CACNA2D4: variants seen among roughly 807,000 people sequenced by gnomAD.
The protein encoded by CACNA2D4 is calcium voltage-gated channel auxiliary subunit alpha2delta 4.
A neutral mutation model predicts 163.8 loss-of-function variants in CACNA2D4; 157 were observed. That is an observed-to-expected ratio of 0.96 (90% CI 0.84 to 1.09). CACNA2D4 has a LOEUF of 1.09. Ranked by LOEUF, CACNA2D4 falls within the 50% of genes least tolerant of loss-of-function variation. CACNA2D4 has a pLI of 0.00. For missense variants in CACNA2D4, 1,410 were observed against 1,479.9 expected, an observed-to-expected ratio of 0.95 and a Z score of 0.78; for synonymous variants, 598 against 586.9, an observed-to-expected ratio of 1.02 and a Z score of -0.27.
chr12:1,914,256 T>C (rs1309070683), intron 2 of CACNA2D4, among the ~76,000 whole-genome samples: 1 of 152,156 alleles, frequency 6.6e-6, no homozygotes, highest in East Asian at 1.9e-4. Context: ...TAGAGAAGGG[T>C]GAGCTGCCAT....
At chr12:1,839,409 G>A (rs1013404290) in intron 26 of CACNA2D4, among the ~76,000 whole-genome samples, 1 of 152,238 alleles carries the variant, frequency 6.6e-6, no homozygotes, top group African/African-American at 2.4e-5. Flanking sequence ...GACTCTGCAG[G>A]CACGAAGAAA....
chr12:1,889,586 C>A (rs547559503), intron 6 of CACNA2D4, among the ~76,000 whole-genome samples: 7 of 152,186 alleles, frequency 4.6e-5, no homozygotes, highest in South Asian at 4.1e-4. Context: ...AGCCGCCCCC[C>A]CCAGTAGCTG....
chr12:1,865,073 C>T (rs1170802797), intron 18 of CACNA2D4, among the ~76,000 whole-genome samples: 1 of 152,206 alleles, frequency 6.6e-6, no homozygotes, highest in Non-Finnish European at 1.5e-5. Flanking sequence ...GGTTCAGCTG[C>T]AGTCCCGCGC....
At chr12:1,918,223 G>A (rs779533233) in intron 1 of CACNA2D4, 24 bp downstream of exon 1, 4 of 1,548,982 alleles carry the variant, frequency 2.6e-6, no homozygotes, top group Non-Finnish European at 3.5e-6. Context: ...GGGTTTTTGG[G>A]GTGGGGTTGA....
Position 1,885,953 on chromosome 12 carries a change from G to T in CACNA2D4, c.1068+12C>A. On this transcript the variant is annotated intron_variant, in intron 9 of 37. Transcript: ENST00000382722. ...AGGGGCTTGGAAGTCTCAGGCCACC[G>T]TGGACACTCACCTCTCGATTGTCTC... is the stretch of plus-strand genomic sequence containing the variant. 1 of 1,603,466 alleles carries T rather than the reference G, an allele frequency of 6.2e-7. No homozygotes were observed. The highest frequency in any genetic ancestry group is 8.5e-7 in the Non-Finnish European group (1 of 1,171,604).
intron 23 of CACNA2D4, 50 bp from the exon 24 acceptor site, chr12:1,846,739 CTTGGGGGCGACCTGCAGGGGT>C: frequency 6.8e-7 from 1 of 1,461,866 alleles, no homozygotes; most frequent in Non-Finnish European, 9.3e-7. Flanking sequence ...GTGGCAAGAG[CTTGGGGGCGACCTGCAGGGGT>C]TTGGGGGCCT....
intron 26 of CACNA2D4, among the ~76,000 whole-genome samples, chr12:1,840,006 T>A (rs1280486822): frequency 6.6e-6 from 1 of 152,204 alleles, no homozygotes; most frequent in East Asian, 1.9e-4. Flanking sequence ...TTTGTAAAGG[T>A]TAAATCAGTT....
At chr12:1,839,000 T>C (rs1240640320) in intron 26 of CACNA2D4, among the ~76,000 whole-genome samples, 2 of 152,206 alleles carry the variant, frequency 1.3e-5, no homozygotes, top group African/African-American at 4.8e-5. Flanking sequence ...ACCGGGCTTC[T>C]ACCCGGGCAA....
In CACNA2D4 at chr12:1,909,908, C is replaced by T. The variant is rs369000151; in HGVS notation, c.484G>A (p.Val162Met). The change falls in exon 4 of 38, where the codon GTG becomes ATG. Residue 162 changes from valine to methionine, a missense_variant and splice_region_variant. Coordinates refer to ENST00000382722, the MANE Select transcript of CACNA2D4 (RefSeq NM_172364.5). ...DLNHEFNESL[V>M]FDYYNSVLIN... ...CCAGTGCCAGGAGTGGGACTCACCA[C>T]CAGGGATTCATTGAATTCGTGGTTC... The T allele has an allele frequency of 2.5e-6, 4 of 1,613,432 alleles. No homozygotes were observed. Among genetic ancestry groups the T allele is most frequent in the African/African-American group, 1.3e-5 (1 of 74,910 alleles).
In CACNA2D4 at chr12:1,793,474, G is replaced by T. The variant is rs1863031258; in HGVS notation, c.*181C>A. On this transcript the variant is annotated 3_prime_UTR_variant, in exon 38 of 38. Transcript: ENST00000382722. ...TGAAGCATCTTGAAAGTGGTGCCAG[G>T]TGATTGGTTTCCTGTTCCATCCAGC... 1.6e-6 allele frequency: 1 copy of T among 642,730 alleles called. No individual in the cohort carries two copies. The allele number at this position is 642,730 out of a possible 1,614,324, so 39.8% of individuals were successfully genotyped here.
chr12:1,795,468 G>A, intron 36 of CACNA2D4, 87 bp from the exon 37 acceptor site: 1 of 1,270,012 alleles, frequency 7.9e-7, no homozygotes, highest in East Asian at 2.5e-5. Context: ...CTGCTCTGGT[G>A]CCACCAGTTG....
At chr12:1,865,657 G>A (rs1865635184) in intron 18 of CACNA2D4, among the ~76,000 whole-genome samples, 1 of 151,832 alleles carries the variant, frequency 6.6e-6, no homozygotes, top group Non-Finnish European at 1.5e-5. Context: ...ACGAGGCCCA[G>A]CAGCAGCAGC....
chr12:1,840,803 G>A lies in CACNA2D4; in HGVS notation c.2487C>T (p.Pro829=). The A allele has an allele frequency of 6.2e-7, 1 of 1,612,868 alleles. No homozygotes were observed. Among genetic ancestry groups the A allele is most frequent in the Non-Finnish European group, 8.5e-7 (1 of 1,179,748 alleles). Residue 829 remains proline (P), a synonymous_variant, in exon 26 of 38, where the codon CCC becomes CCT. Coordinates refer to ENST00000382722, the MANE Select transcript of CACNA2D4 (RefSeq NM_172364.5). ...CAGCTGTGCTTGCCGTCACCACCAT[G>A]GGTTCACCCGCACTTTCTGGGGAAA... ...WAEGPESAGE[P]MVVTASTAVA...
At chr12:1,888,942 A>G (rs959232125) in intron 6 of CACNA2D4, among the ~76,000 whole-genome samples, 1 of 152,222 alleles carries the variant, frequency 6.6e-6, no homozygotes, top group African/African-American at 2.4e-5. Flanking sequence ...GAACTGCAGA[A>G]CTTCGAAGGC....
At chr12:1,864,611 G>A (rs558337437) in intron 18 of CACNA2D4, among the ~76,000 whole-genome samples, 2 of 152,300 alleles carry the variant, frequency 1.3e-5, no homozygotes, top group East Asian at 3.9e-4. Context: ...CAAGGTGGGC[G>A]ATGAGAACGA....
At chr12:1,851,709 G>C (rs1420327233) in intron 23 of CACNA2D4, among the ~76,000 whole-genome samples, 2 of 112,692 alleles carry the variant, frequency 1.8e-5, no homozygotes, top group East Asian at 5.4e-4. Flanking sequence ...GAGATTTCCT[G>C]GTTATTCTTG....
chr12:1,851,651 T>TTGTGTG (rs71055202), intron 23 of CACNA2D4, among the ~76,000 whole-genome samples: 16,798 of 117,802 alleles, frequency 0.14, 1,486 homozygotes, highest in African/African-American at 0.17. Context: ...TGGTGTGTGT[T>TTGTGTG]TGTGTGTGTG....
Position 1,878,206 on chromosome 12 carries a change from TG to T in CACNA2D4, c.1719+108del. ...ACATTTTTTTTCTCATATTACCCAC[TG>T]GGTTCCTAAATGGAGCCCAATGTGT... is the stretch of plus-strand genomic sequence containing the variant. On this transcript the variant is annotated intron_variant, in intron 16 of 37. Transcript: ENST00000382722. This position sits in a 1 kb window ranked among gnomAD's most constrained non-coding sequence, Gnocchi z 4.6. The T allele has an allele frequency of 8.1e-7, 1 of 1,238,522 alleles. No individual in the cohort carries two copies. The highest frequency in any genetic ancestry group is 1.2e-6 in the Non-Finnish European group (1 of 863,598). 76.7% of individuals were successfully genotyped at this position (1,238,522 alleles called of 1,614,324 possible). A position where few individuals can be genotyped will look rare whatever the true frequency, so the allele number is the denominator to read the frequency against.
At position 1,874,481 on chromosome 12, in the gene CACNA2D4, G is replaced by C. The variant is rs1865844538; in HGVS notation, c.1878+123C>G. 1 of 682,194 alleles carries C rather than the reference G, an allele frequency of 1.5e-6. No individual in the cohort carries two copies. The highest frequency in any genetic ancestry group is 2.7e-6 in the Non-Finnish European group (1 of 375,800). The allele number at this position is 682,194 out of a possible 1,614,324, so 42.3% of individuals were successfully genotyped here. A position where few individuals can be genotyped will look rare whatever the true frequency, so the allele number is the denominator to read the frequency against. The stretch of plus-strand genomic sequence containing the variant: ...GTATACTCCCTAATGGACCCTCTAG[G>C]TGCAGCAAGCACTCAACTCTTCAGC... On this transcript the variant is annotated intron_variant, in intron 18 of 37. Transcript: ENST00000382722. This position sits in a 1 kb window ranked among gnomAD's most constrained non-coding sequence, Gnocchi z 4.4.
Sources: gnomAD v4.1 joint callset for allele counts (sites outside exome capture counted in the v4.1 genomes callset) on GRCh38, gnomAD v4.1.1 for gene constraint, Gnocchi (gnomAD v3.1) non-coding constraint, MANE v1.5 for transcripts, NCBI Gene and HGNC (gene_info 2026-07-23, HGNC 2026-07-21) for gene names.